The following TSHR variants were observed in gnomAD, a reference collection of about 807,000 sequenced individuals.
The protein encoded by TSHR is thyroid stimulating hormone receptor.
A neutral mutation model predicts 64.1 loss-of-function variants in TSHR; 51 were observed. That is an observed-to-expected ratio of 0.80 (90% CI 0.64 to 1.01). TSHR has a LOEUF of 1.01. Ranked by LOEUF, TSHR falls within the 50% of genes least tolerant of loss-of-function variation. The probability of loss-of-function intolerance (pLI) is 0.00; values close to 1 mark genes in which losing one functional copy is unlikely to be tolerated. For synonymous variants in TSHR, 361 were observed against 361.9 expected (o/e 1.00, Z 0.03); for missense variants, 877 against 942.8 (o/e 0.93, Z 0.91).
chr14:81,068,973 G>A (rs1009082951), intron 3 of TSHR, among the ~76,000 whole-genome samples: 19 of 152,110 alleles, frequency 1.2e-4, no homozygotes, highest in Admixed American at 1.2e-3. Context: ...TATTTCGCTA[G>A]TAGATTACAA....
chr14:81,001,520 CA>C, intron 1 of TSHR: 1 of 523,856 alleles, frequency 1.9e-6, no homozygotes, highest in Non-Finnish European at 3.8e-6. Flanking sequence ...CATTTATAAA[CA>C]TGTGCAGCAA....
intron 8 of TSHR, among the ~76,000 whole-genome samples, chr14:81,135,292 C>A (rs1891409063): frequency 6.6e-6 from 1 of 152,146 alleles, no homozygotes; most frequent in African/African-American, 2.4e-5. Flanking sequence ...TCCTAAGAAG[C>A]TTGAACTTCA....
intron 1 of TSHR, chr14:81,033,078 T>C (rs1433307188): frequency 1.1e-5 from 4 of 361,834 alleles, no homozygotes; most frequent in African/African-American, 2.2e-5. Context: ...TGGCAGACTA[T>C]GGGCTCATAT....
intron 3 of TSHR, among the ~76,000 whole-genome samples, chr14:81,071,565 G>T (rs902614170): frequency 1.3e-5 from 2 of 151,758 alleles, no homozygotes; most frequent in South Asian, 2.1e-4. Flanking sequence ...GAGTTTCTCA[G>T]CCAGCCTGGA....
intron 1 of TSHR, among the ~76,000 whole-genome samples, chr14:80,956,169 A>G (rs1249871826): frequency 6.6e-6 from 1 of 152,182 alleles, no homozygotes; most frequent in African/African-American, 2.4e-5. Context: ...AATCTGTTTT[A>G]TTTGAATTAA....
intron 1 of TSHR, among the ~76,000 whole-genome samples, chr14:80,988,917 T>C (rs1182413971): frequency 6.6e-6 from 1 of 152,192 alleles, no homozygotes; most frequent in Non-Finnish European, 1.5e-5. Context: ...TTGACACATC[T>C]CTCCAGACCT....
intron 1 of TSHR, among the ~76,000 whole-genome samples, chr14:80,998,380 T>C (rs1007132196): frequency 2.0e-5 from 3 of 152,150 alleles, no homozygotes; most frequent in South Asian, 4.1e-4. Context: ...GCCCACACTT[T>C]CATGGAATTT....
chr14:81,141,715 C>G (rs1891695500), intron 9 of TSHR, among the ~76,000 whole-genome samples: 1 of 152,096 alleles, frequency 6.6e-6, no homozygotes, highest in Admixed American at 6.6e-5. Context: ...TCAAGCCCAG[C>G]CTGGCCAACA....
In TSHR at chr14:81,103,858, C is replaced by T; in HGVS notation, c.615-4517C>T. The stretch of plus-strand genomic sequence containing the variant: ...ATTGTCAAACTCTAGTAACTAGCTA[C>T]TATCTGACAGTAAACATTTAGGCAG... On this transcript the variant is annotated intron_variant, in intron 7 of 9. Coordinates refer to ENST00000298171, the MANE Select transcript of TSHR (RefSeq NM_000369.5). The surrounding 1 kb of genome is among the most constrained non-coding windows in gnomAD (Gnocchi z 4.1). 1 of 985,438 alleles carries T rather than the reference C, an allele frequency of 1.0e-6. No homozygotes were observed. The highest frequency in any genetic ancestry group is 1.2e-6 in the Non-Finnish European group (1 of 829,932). 61.0% of individuals were successfully genotyped at this position (985,438 alleles called of 1,614,324 possible).
intron 3 of TSHR, among the ~76,000 whole-genome samples, chr14:81,076,206 C>T (rs1384167891): frequency 6.6e-6 from 1 of 152,192 alleles, no homozygotes; most frequent in African/African-American, 2.4e-5. Context: ...ATTCATACCT[C>T]TTCCCTTGGC....
At chr14:80,998,557 T>C (rs2284730) in intron 1 of TSHR, among the ~76,000 whole-genome samples, 74,232 of 151,430 alleles carry the variant, frequency 0.49, 18,523 homozygotes, top group East Asian at 0.58. Context: ...TACTAGAGAA[T>C]TTTAAATGAT....
intron 1 of TSHR, among the ~76,000 whole-genome samples, chr14:81,057,584 C>G (rs1320489679): frequency 2.0e-5 from 3 of 152,180 alleles, no homozygotes; most frequent in South Asian, 2.1e-4. Flanking sequence ...ACTATGAATA[C>G]TTTCTATACT....
intron 1 of TSHR, among the ~76,000 whole-genome samples, chr14:81,041,846 C>A (rs1179465879): frequency 6.6e-6 from 1 of 152,040 alleles, no homozygotes; most frequent in Non-Finnish European, 1.5e-5. Flanking sequence ...AGGTTTCTAG[C>A]CTAGGAGCAA....
chr14:81,086,756 C>G (rs1343450208), intron 3 of TSHR, among the ~76,000 whole-genome samples: 1 of 152,166 alleles, frequency 6.6e-6, no homozygotes, highest in African/African-American at 2.4e-5. Context: ...AAGGAGTGAA[C>G]TACTAATTCA....
At position 80,955,690 on chromosome 14, in the gene TSHR, G is replaced by T. The variant is rs1460409181; in HGVS notation, c.10G>T (p.Ala4Ser). 6.2e-7 allele frequency: 1 copy of T among 1,613,920 alleles called. No homozygotes were observed. The highest frequency in any genetic ancestry group is 1.1e-5 in the South Asian group (1 of 91,086). MRP[A>S]DLLQLVLLLD... The stretch of plus-strand genomic sequence containing the variant: ...CCGAGTCCCGTGGAAAATGAGGCCG[G>T]CGGACTTGCTGCAGCTGGTGCTGCT... The change falls in exon 1 of 10, where the codon GCG (alanine) becomes TCG (serine). Residue 4 changes from alanine to serine, a missense_variant. Ala to Ser is a moderately conservative substitution (Grantham distance 99, BLOSUM62 1). Coordinates refer to ENST00000298171, the MANE Select transcript of TSHR (RefSeq NM_000369.5).
intron 1 of TSHR, among the ~76,000 whole-genome samples, chr14:81,002,373 T>A (rs1376017624): frequency 1.3e-5 from 2 of 152,100 alleles, no homozygotes; most frequent in Non-Finnish European, 2.9e-5. Context: ...TGTGTGTGAT[T>A]TTGCTCTGTT....
At chr14:81,104,553 C>T (rs1889774137) in intron 7 of TSHR, 1 of 985,234 alleles carries the variant, frequency 1.0e-6, no homozygotes, top group Admixed American at 6.2e-5. Flanking sequence ...TAGGAGTCAC[C>T]CAACAATCAG....
chr14:81,129,274 C>A (rs759473097), intron 8 of TSHR, among the ~76,000 whole-genome samples: 1 of 152,200 alleles, frequency 6.6e-6, no homozygotes, highest in African/African-American at 2.4e-5. Context: ...CCAGGATCTA[C>A]AGTCTGTTAC....
chr14:80,994,150 T>C (rs1296188610), intron 1 of TSHR: 1 of 152,180 alleles, frequency 6.6e-6, no homozygotes, highest in Non-Finnish European at 1.5e-5. Context: ...CTCTTCCTTA[T>C]GATTTTCTTA....
Sources: allele counts gnomAD v4.1 joint callset (sites outside exome capture counted in the v4.1 genomes callset), GRCh38; gene constraint gnomAD v4.1.1; non-coding constraint Gnocchi (gnomAD v3.1); transcripts MANE v1.5; gene names NCBI Gene and HGNC (gene_info 2026-07-23, HGNC 2026-07-21).